NCAPG: variants seen among roughly 807,000 people sequenced by gnomAD.
NCAPG encodes condensin complex subunit 3.
In NCAPG, 69 loss-of-function variants were observed where a neutral mutation model predicts 113.1. The ratio of observed to expected loss-of-function variants is 0.61; its 90% CI spans 0.50 to 0.75. The LOEUF (loss-of-function observed/expected upper bound fraction) is 0.75. Among genes scored for constraint, NCAPG ranks in the 30% least tolerant of loss-of-function variants. The probability of loss-of-function intolerance (pLI) is 0.00; values close to 1 mark genes in which losing one functional copy is unlikely to be tolerated. For missense variants in NCAPG, 1,058 were observed against 1,177.0 expected (o/e 0.90, Z 1.48); for synonymous variants, 370 against 415.8 (o/e 0.89, Z 1.34).
Position 17,839,837 on chromosome 4 carries a change from GGTAAA to G in NCAPG, c.2628+4_2628+8del, listed in dbSNP as rs756205761. On this transcript the variant is annotated splice_donor_variant and splice_donor_5th_base_variant and intron_variant, in intron 17 of 20. Transcript: ENST00000251496. LOFTEE classifies it high-confidence loss of function. ...TGGTTCTATTGAATGAGATTCTGGA[GGTAAA>G]GTAGTTTCTCATTACTCTAAATTAG... is the stretch of plus-strand genomic sequence containing the variant. 5.7e-6 allele frequency: 9 copies of G among 1,577,110 alleles called. No individual in the cohort carries two copies. The highest frequency in any genetic ancestry group is 7.7e-6 in the Non-Finnish European group (9 of 1,170,852).
In NCAPG at chr4:17,828,282, A is replaced by C; in HGVS notation, c.1658A>C (p.Asp553Ala). 1.2e-6 allele frequency: 2 copies of C among 1,601,370 alleles called. No individual in the cohort carries two copies. The highest frequency in any genetic ancestry group is 1.3e-5 in the African/African-American group (1 of 74,350). ...EIKEVHIEKN[D>A]AETLQKCLIL... ...AATATTTTGTCTTCATTTTAGAATG[A>C]TGCTGAAACATTGCAGAAATGTCTT... The change falls in exon 12 of 21, where the codon GAT (aspartate) becomes GCT (alanine). Residue 553 changes from aspartate to alanine, a missense_variant. Transcript: ENST00000251496.
chr4:17,822,932 T>C (rs1721517642), intron 7 of NCAPG, 51 bp from the exon 8 acceptor site: 1 of 1,463,590 alleles, frequency 6.8e-7, no homozygotes, highest in Non-Finnish European at 9.2e-7. Context: ...GAATCAACTC[T>C]TGTTTGATGT....
chr4:17,811,802 CA>C lies in NCAPG; in HGVS notation c.112-418del, dbSNP rs552304904. 5.8e-4 allele frequency among the ~76,000 whole-genome samples: 88 copies of C among 152,096 alleles called. 3 individuals are homozygous for C. The highest frequency in any genetic ancestry group is 2.5e-4 in the Non-Finnish European group (17 of 68,012). On this transcript the variant is annotated intron_variant, in intron 1 of 20. Transcript: ENST00000251496. This position sits in a 1 kb window ranked among gnomAD's most constrained non-coding sequence, Gnocchi z 5.3. ...TCCAAGAAAAATTGTGAGTAAACAT[CA>C]CAGGGCTTTGAGGATATGAGATAGG... is the stretch of plus-strand genomic sequence containing the variant.
chr4:17,825,408 C>A lies in NCAPG; in HGVS notation c.1500C>A (p.Ile500=), dbSNP rs770548167. 6.3e-7 allele frequency: 1 copy of A among 1,589,712 alleles called. No homozygotes were observed. The highest frequency in any genetic ancestry group is 8.5e-7 in the Non-Finnish European group (1 of 1,173,914). The change falls in exon 11 of 21, where the codon ATC becomes ATA. Residue 500 remains isoleucine (I), a synonymous_variant. Transcript: ENST00000251496. The part of the protein sequence containing the change: ...LKMAEIKVKL[I]EAKEALENCI... ...TGGCTGAAATAAAAGTTAAGCTTAT[C>A]GAAGCCAAAGAAGCTTTGGAAAATT...
At chr4:17,826,623 G>A (rs1157453661) in intron 11 of NCAPG, among the ~76,000 whole-genome samples, 4 of 152,242 alleles carry the variant, frequency 2.6e-5, no homozygotes, top group East Asian at 3.9e-4. Context: ...GGTTAATATC[G>A]TCTGTTTAAC....
Position 17,830,989 on chromosome 4 carries a change from C to T in NCAPG, c.1765-8C>T, listed in dbSNP as rs779863479. Reference sequence around the variant, plus strand: ...GAAATCATATGGAAAATTTCTGATTCATTTTAGATTCTTCCTGGAATAATA... The same window carrying T: ...GAAATCATATGGAAAATTTCTGATTTATTTTAGATTCTTCCTGGAATAATA... On this transcript the variant is annotated splice_polypyrimidine_tract_variant and splice_region_variant and intron_variant, in intron 12 of 20. Coordinates refer to ENST00000251496, the MANE Select transcript of NCAPG (RefSeq NM_022346.5). The T allele has an allele frequency of 1.2e-6, 2 of 1,606,526 alleles. No homozygotes were observed. Among genetic ancestry groups the T allele is most frequent in the East Asian group, 4.5e-5 (2 of 44,702 alleles).
At position 17,843,705 on chromosome 4, in the gene NCAPG, C is replaced by CTCTT. The variant is rs1315600776; in HGVS notation, c.*282_*285dup. ...AGTCTCTCCAAGTGATTCTTATGAA[C>CTCTT]TCTTTATGTTTAAAATCATGTCATT... is the stretch of plus-strand genomic sequence containing the variant. On this transcript the variant is annotated 3_prime_UTR_variant, in exon 21 of 21. Transcript: ENST00000251496. The CTCTT allele has an allele frequency of 4.6e-6, 1 of 216,750 alleles. No individual in the cohort carries two copies. Among genetic ancestry groups the CTCTT allele is most frequent in the Non-Finnish European group, 9.3e-6 (1 of 107,042 alleles). 13.4% of individuals were successfully genotyped at this position (216,750 alleles called of 1,614,324 possible). A position where few individuals can be genotyped will look rare whatever the true frequency, so the allele number is the denominator to read the frequency against.
chr4:17,839,576 A>G, intron 16 of NCAPG, 100 bp from the exon 17 acceptor site: 1 of 872,162 alleles, frequency 1.1e-6, no homozygotes, highest in African/African-American at 1.8e-5. Flanking sequence ...ATTTGGGATT[A>G]TGGCAAGAAA....
chr4:17,837,367 A>T (rs373394735), intron 15 of NCAPG, 27 bp downstream of exon 15: 7 of 1,574,086 alleles, frequency 4.4e-6, no homozygotes, highest in Non-Finnish European at 6.0e-6. Context: ...ATAAATCAAA[A>T]ATCTGACTTG....
At chr4:17,840,307 C>A in intron 18 of NCAPG, 98 bp downstream of exon 18, 1 of 1,279,480 alleles carries the variant, frequency 7.8e-7, no homozygotes, top group African/African-American at 1.6e-5. Flanking sequence ...TTTGGTTGGA[C>A]ATCAGAAATG....
rs1444362075 is a variant in NCAPG, at chr4:17,843,617, G to GCAT, written c.*195_*197dup. ...AGTTATTATAGTCCAGAAAAAGTGT[G>GCAT]CATCAGTCAGTCACACAGATTTATC... On this transcript the variant is annotated 3_prime_UTR_variant, in exon 21 of 21. Coordinates refer to ENST00000251496, the MANE Select transcript of NCAPG (RefSeq NM_022346.5). The GCAT allele has an allele frequency of 2.2e-5, 10 of 459,412 alleles. No individual in the cohort carries two copies. The highest frequency in any genetic ancestry group is 1.1e-3 in the Middle Eastern group (2 of 1,834). 28.5% of individuals were successfully genotyped at this position (459,412 alleles called of 1,614,324 possible). A position where few individuals can be genotyped will look rare whatever the true frequency, so the allele number is the denominator to read the frequency against.
rs1418822742 is a variant in NCAPG, at chr4:17,828,378, T to C, written c.1754T>C (p.Ile585Thr). 1.9e-6 allele frequency: 3 copies of C among 1,602,658 alleles called. No homozygotes were observed. Among genetic ancestry groups the C allele is most frequent in the Non-Finnish European group, 2.6e-6 (3 of 1,172,742 alleles). ...TGLSATMNGI[I>T]ESLILPGIIS... Reference sequence around the variant, plus strand: ...TTAAGTGCAACCATGAATGGAATCATCGAATCTTTGGTATGTTGATGGCCT... The same window carrying C: ...TTAAGTGCAACCATGAATGGAATCACCGAATCTTTGGTATGTTGATGGCCT... Residue 585 changes from isoleucine (I) to threonine (T), a missense_variant, in exon 12 of 21, where the codon ATC becomes ACC. By Grantham distance (89) the Ile-to-Thr change is moderately conservative. Coordinates refer to ENST00000251496, the MANE Select transcript of NCAPG (RefSeq NM_022346.5).
intron 14 of NCAPG, among the ~76,000 whole-genome samples, chr4:17,835,482 G>A (rs1271557870): frequency 6.6e-6 from 1 of 152,086 alleles, no homozygotes; most frequent in African/African-American, 2.4e-5. Context: ...GTGAGCCCTC[G>A]TGCCTGGCCC....
chr4:17,818,173 G>T, intron 7 of NCAPG, 85 bp downstream of exon 7: 2 of 1,404,886 alleles, frequency 1.4e-6, no homozygotes, highest in Non-Finnish European at 1.9e-6. Context: ...AGTCATGTTT[G>T]ATTGTGAATA....
intron 3 of NCAPG, chr4:17,813,392 G>T: frequency 3.4e-6 from 1 of 291,394 alleles, no homozygotes; most frequent in Non-Finnish European, 6.3e-6. Flanking sequence ...GGGTTAATTA[G>T]TCTCTTGCTT....
intron 17 of NCAPG, 111 bp downstream of exon 17, chr4:17,839,948 A>T (rs776866491): frequency 1.5e-5 from 22 of 1,441,358 alleles, no homozygotes; most frequent in African/African-American, 5.8e-5. Flanking sequence ...ACTTATTTGA[A>T]GTATTTTCTT....
chr4:17,820,474 C>A (rs977140054), intron 7 of NCAPG, among the ~76,000 whole-genome samples: 1 of 151,822 alleles, frequency 6.6e-6, no homozygotes, highest in Non-Finnish European at 1.5e-5. Flanking sequence ...TGGTGGCAGG[C>A]GCCTGTAGTC....
intron 9 of NCAPG, 38 bp from the exon 10 acceptor site, chr4:17,824,930 A>G: frequency 1.4e-6 from 2 of 1,447,748 alleles, no homozygotes; most frequent in African/African-American, 2.8e-5. Flanking sequence ...TTGCTGATAT[A>G]TCAAACATAT....
chr4:17,841,575 A>T (rs778262993), intron 19 of NCAPG: 2 of 152,006 alleles, frequency 1.3e-5, no homozygotes, highest in Non-Finnish European at 2.9e-5. Flanking sequence ...AGACTGTCAC[A>T]TTGAACAGTT....
Sources: gnomAD v4.1 joint callset for allele counts (sites outside exome capture counted in the v4.1 genomes callset) on GRCh38, gnomAD v4.1.1 for gene constraint, Gnocchi (gnomAD v3.1) non-coding constraint, MANE v1.5 for transcripts, NCBI Gene and HGNC (gene_info 2026-07-23, HGNC 2026-07-21) for gene names.